The following SMAD3 variants were observed in gnomAD, a reference collection of about 807,000 sequenced individuals.
SMAD3 encodes SMAD family member 3.
Under a neutral mutation model 51.8 loss-of-function variants are expected in SMAD3, and 12 were observed. The observed-to-expected ratio is 0.23, with a 90% CI of 0.15 to 0.38. The LOEUF (loss-of-function observed/expected upper bound fraction) is 0.38. Among genes scored for constraint, SMAD3 ranks in the 10% least tolerant of loss-of-function variants. The pLI, the probability that SMAD3 is intolerant of heterozygous loss-of-function variation, is 1.00. For missense variants in SMAD3, 294 were observed against 565.6 expected (o/e 0.52, Z 4.87); for synonymous variants, 238 against 227.7 (o/e 1.05, Z -0.41).
intron 1 of SMAD3, among the ~76,000 whole-genome samples, chr15:67,134,837 G>A (rs1416420124): frequency 6.6e-6 from 1 of 152,198 alleles, no homozygotes; most frequent in African/African-American, 2.4e-5. Context: ...GTGTGCTGTT[G>A]CCCCTCACAC....
chr15:67,083,067 G>C (rs1399657366), intron 1 of SMAD3, among the ~76,000 whole-genome samples: 1 of 152,204 alleles, frequency 6.6e-6, no homozygotes, highest in Non-Finnish European at 1.5e-5. Flanking sequence ...GCATGGGCCT[G>C]GAACCAACAG....
At chr15:67,175,134 G>A (rs1003130921) in intron 5 of SMAD3, among the ~76,000 whole-genome samples, 1 of 152,226 alleles carries the variant, frequency 6.6e-6, no homozygotes, top group Non-Finnish European at 1.5e-5. Context: ...GGAGGCAGGT[G>A]GAGAGAGGAA....
At chr15:67,124,000 T>A (rs576246061) in intron 1 of SMAD3, among the ~76,000 whole-genome samples, 1 of 152,354 alleles carries the variant, frequency 6.6e-6, no homozygotes, top group Admixed American at 6.5e-5. Flanking sequence ...TTTCGTCTCT[T>A]ATTTTTAGAC....
At chr15:67,067,639 T>C (rs1959956309) in intron 1 of SMAD3, among the ~76,000 whole-genome samples, 2 of 152,112 alleles carry the variant, frequency 1.3e-5, no homozygotes, top group South Asian at 2.1e-4. Flanking sequence ...GCAACATCTG[T>C]CCACGGGAAC....
chr15:67,130,510 G>A (rs1047186006), intron 1 of SMAD3, among the ~76,000 whole-genome samples: 6 of 152,160 alleles, frequency 3.9e-5, no homozygotes, highest in Non-Finnish European at 7.4e-5. Context: ...ACTGCATATT[G>A]GAGGGATCTA....
rs967687645 is a variant in SMAD3 at position 67,139,794 on chromosome 15, A to C, written c.207-25101A>C. On this transcript the variant is annotated intron_variant, in intron 1 of 8. Coordinates refer to ENST00000327367, the MANE Select transcript of SMAD3 (RefSeq NM_005902.4). ...CATATCTGCTGTCACCAGGTATGGCACAGGCATGGGTGGAAGCTGTGCTTG... is the reference window on the plus strand; with the variant it reads ...CATATCTGCTGTCACCAGGTATGGCCCAGGCATGGGTGGAAGCTGTGCTTG... 7.9e-5 allele frequency among the ~76,000 whole-genome samples: 12 copies of C among 152,344 alleles called. 1 individual carries two copies. The highest frequency in any genetic ancestry group is 2.1e-4 in the South Asian group (1 of 4,830).
At chr15:67,098,640 G>T in intron 1 of SMAD3, 1 of 535,864 alleles carries the variant, frequency 1.9e-6, no homozygotes, top group Non-Finnish European at 3.4e-6. Flanking sequence ...TTCGAGGGTG[G>T]GGCCGCGTTT....
chr15:67,182,281 G>T (rs1250952939), intron 6 of SMAD3, among the ~76,000 whole-genome samples: 3 of 152,184 alleles, frequency 2.0e-5, no homozygotes, highest in African/African-American at 7.2e-5. Context: ...CAGAACATAA[G>T]TAAAAGATGA....
intron 4 of SMAD3, among the ~76,000 whole-genome samples, chr15:67,169,641 T>C (rs946519215): frequency 1.5e-5 from 2 of 134,924 alleles, no homozygotes; most frequent in Non-Finnish European, 3.2e-5. Flanking sequence ...TTTTTTTTTT[T>C]CTGTAGAGAC....
chr15:67,194,905 G>A lies in SMAD3; in HGVS notation c.*4369G>A, dbSNP rs919242460. On this transcript the variant is annotated 3_prime_UTR_variant, in exon 9 of 9. Transcript: ENST00000327367. ...ACCTTCACTGCTGCTGTTGCAACTCGGCTGTTCTGGACTCTGATGTGTGTG... is the reference window on the plus strand; with the variant it reads ...ACCTTCACTGCTGCTGTTGCAACTCAGCTGTTCTGGACTCTGATGTGTGTG... The A allele has an allele frequency of 2.9e-4, 67 of 233,532 alleles. 1 individual carries two copies. The highest frequency in any genetic ancestry group is 2.5e-3 in the Middle Eastern group (2 of 806). 14.5% of individuals were successfully genotyped at this position (233,532 alleles called of 1,614,324 possible).
At chr15:67,069,345 C>G (rs1960000571) in intron 1 of SMAD3, among the ~76,000 whole-genome samples, 1 of 152,196 alleles carries the variant, frequency 6.6e-6, no homozygotes. Context: ...AGTTTTATAA[C>G]AGCCTCTCAT....
intron 4 of SMAD3, 91 bp downstream of exon 4, chr15:67,166,944 C>A: frequency 1.0e-6 from 1 of 988,928 alleles, no homozygotes; most frequent in Non-Finnish European, 1.6e-6. Flanking sequence ...CCTCTCCCTC[C>A]CTCCCTTCTA....
chr15:67,115,710 T>G (rs1418719354), intron 1 of SMAD3, among the ~76,000 whole-genome samples: 1 of 152,118 alleles, frequency 6.6e-6, no homozygotes, highest in Non-Finnish European at 1.5e-5. Flanking sequence ...TGGCATTAAC[T>G]CATTTGTTCA....
intron 2 of SMAD3, 31 bp from the exon 3 acceptor site, chr15:67,165,222 G>C: frequency 6.2e-7 from 1 of 1,614,104 alleles, no homozygotes; most frequent in Non-Finnish European, 8.5e-7. Context: ...CATCGACACT[G>C]AGCCACCTCT....
At position 67,125,751 on chromosome 15, in the gene SMAD3, G is replaced by C. The variant is rs953929455; in HGVS notation, c.207-39144G>C. 6.1e-6 allele frequency: 6 copies of C among 985,624 alleles called. No individual in the cohort carries two copies. In the African/African-American group the frequency reaches 1.0e-4, roughly 17 times the overall value. The allele number at this position is 985,624 out of a possible 1,614,324, so 61.1% of individuals were successfully genotyped here. On this transcript the variant is annotated intron_variant, in intron 1 of 8. Transcript: ENST00000327367. Reference sequence around the variant, plus strand: ...TTGTGCTTGCTGGAGGAGGATGACAGAGGAGCCTGCTGCTGAGTTCACTGG... The same window carrying C: ...TTGTGCTTGCTGGAGGAGGATGACACAGGAGCCTGCTGCTGAGTTCACTGG...
At chr15:67,182,600 G>A (rs954027256) in intron 6 of SMAD3, among the ~76,000 whole-genome samples, 1 of 152,038 alleles carries the variant, frequency 6.6e-6, no homozygotes, top group African/African-American at 2.4e-5. Flanking sequence ...TTTGAAGAGA[G>A]GATTGATTCT....
intron 1 of SMAD3, among the ~76,000 whole-genome samples, chr15:67,113,266 A>ATTTTTTTTTTT (rs1961064164): frequency 2.4e-5 from 2 of 83,596 alleles, no homozygotes; most frequent in Non-Finnish European, 2.3e-5. Context: ...TTTTTTTTGT[A>ATTTTTTTTTTT]TTTTTAGTAG....
rs545596731 is a variant in SMAD3, at chr15:67,184,648, C to T, written c.872-79C>T. ...GGGAGCAGCTCTGCTGTTCTGCCTC[C>T]TTTGCGAGCCTCAGGTGGCCCCAGG... On this transcript the variant is annotated intron_variant, in intron 6 of 8. Transcript: ENST00000327367. 2.0e-4 allele frequency: 314 copies of T among 1,568,504 alleles called. 1 individual carries two copies. The East Asian group carries it at 6.1e-3, about 30-fold the overall frequency.
chr15:67,100,318 G>A (rs1530061), intron 1 of SMAD3, among the ~76,000 whole-genome samples: 14,984 of 152,086 alleles, frequency 0.099, 817 homozygotes, highest in Middle Eastern at 0.13. Context: ...ATCCCCATAG[G>A]CAAATTCACA....
Sources: gnomAD v4.1 joint callset for allele counts (sites outside exome capture counted in the v4.1 genomes callset) on GRCh38, gnomAD v4.1.1 for gene constraint, MANE v1.5 for transcripts, NCBI Gene and HGNC (gene_info 2026-07-23, HGNC 2026-07-21) for gene names.